The following MAST4 variants were observed in gnomAD, a reference collection of about 807,000 sequenced individuals.
MAST4 encodes microtubule-associated serine/threonine-protein kinase 4.
In MAST4, 89 loss-of-function variants were observed where a neutral mutation model predicts 162.7. The ratio of observed to expected loss-of-function variants is 0.55; its 90% CI spans 0.46 to 0.65. The LOEUF is 0.65. Among genes scored for constraint, MAST4 ranks in the 30% least tolerant of loss-of-function variants. The probability of loss-of-function intolerance (pLI) is 0.00; values close to 1 mark genes in which losing one functional copy is unlikely to be tolerated. For missense variants in MAST4, 3,153 were observed against 3,374.0 expected, an observed-to-expected ratio of 0.93 and a Z score of 1.62; for synonymous variants, 1,479 against 1,361.1, an observed-to-expected ratio of 1.09 and a Z score of -1.91.
intron 4 of MAST4, among the ~76,000 whole-genome samples, chr5:67,010,897 G>A (rs888506691): frequency 2.0e-5 from 3 of 152,128 alleles, no homozygotes; most frequent in Non-Finnish European, 4.4e-5. Flanking sequence ...GAACAGGGGT[G>A]GTGGCCACTC....
intron 1 of MAST4, among the ~76,000 whole-genome samples, chr5:66,691,425 A>G (rs1475060271): frequency 6.6e-6 from 1 of 152,204 alleles, no homozygotes; most frequent in Admixed American, 6.5e-5. Context: ...TGAGTAAAAA[A>G]CTTTTCAGAG....
intron 23 of MAST4, among the ~76,000 whole-genome samples, chr5:67,149,046 G>C (rs192689734): frequency 1.4e-3 from 215 of 152,208 alleles, no homozygotes; most frequent in South Asian, 2.1e-3. Flanking sequence ...TGGTATGGGG[G>C]GGGTAGGGGC....
chr5:66,858,704 A>C (rs1057133968), intron 3 of MAST4, among the ~76,000 whole-genome samples: 7 of 152,178 alleles, frequency 4.6e-5, no homozygotes, highest in Admixed American at 2.0e-4. Context: ...TAATTTCACC[A>C]AAACATATCT....
rs527896311 is a variant in MAST4 at position 67,024,329 on chromosome 5, A to G, written c.675-30075A>G. Among the ~76,000 whole-genome samples the G allele has an allele frequency of 1.8e-4, 23 of 130,944 alleles. No homozygotes were observed. In the East Asian group the frequency reaches 4.5e-3, roughly 25 times the overall value. The allele number at this position is 130,944 out of a possible 152,430, so 85.9% of individuals were successfully genotyped here. On this transcript the variant is annotated intron_variant, in intron 4 of 28. Transcript: ENST00000403625. The stretch of plus-strand genomic sequence containing the variant: ...AAGGAAGATATATATATATATCTAT[A>G]TATATATACACACACACACACACAT...
In MAST4 at chr5:67,027,036, A is replaced by T. The variant is rs545510313; in HGVS notation, c.675-27368A>T. On this transcript the variant is annotated intron_variant, in intron 4 of 28. Transcript: ENST00000403625. ...CCTATTTTTAATGATTTTACATAAG[A>T]TTATTATCTTCAAGAACACATGTTT... Among the ~76,000 whole-genome samples, 12 of 152,258 alleles carry T rather than the reference A, an allele frequency of 7.9e-5. No homozygotes were observed. The East Asian group carries it at 1.9e-3, about 24-fold the overall frequency.
chr5:67,056,704 T>C (rs1415764405), intron 5 of MAST4, among the ~76,000 whole-genome samples: 1 of 152,200 alleles, frequency 6.6e-6, no homozygotes, highest in African/African-American at 2.4e-5. Flanking sequence ...GAGTGTTTTG[T>C]TTTTGTTTTT....
At chr5:67,115,576 GA>G (rs1766796417) in intron 12 of MAST4, among the ~76,000 whole-genome samples, 1 of 152,204 alleles carries the variant, frequency 6.6e-6, no homozygotes, top group Non-Finnish European at 1.5e-5. Flanking sequence ...CTGCTTTTCT[GA>G]AAAGTTCCCT....
chr5:67,110,382 C>T (rs533975894), intron 11 of MAST4, among the ~76,000 whole-genome samples, 183 bp downstream of exon 11: 1 of 152,188 alleles, frequency 6.6e-6, no homozygotes, highest in Non-Finnish European at 1.5e-5. Flanking sequence ...TTTAAAGAGA[C>T]TTCTAGGACT....
chr5:66,788,605 C>CCCCAAG, intron 2 of MAST4, 65 bp from the exon 3 acceptor site: 4 of 1,344,524 alleles, frequency 3.0e-6, no homozygotes, highest in Non-Finnish European at 4.2e-6. Context: ...CACCCCCACC[C>CCCCAAG]CCATTGCAAT....
intron 3 of MAST4, among the ~76,000 whole-genome samples, chr5:66,867,950 C>T (rs1485121675): frequency 1.3e-5 from 2 of 152,162 alleles, no homozygotes; most frequent in African/African-American, 4.8e-5. Flanking sequence ...AAAAGAGAAA[C>T]GCATTCTTAG....
intron 9 of MAST4, among the ~76,000 whole-genome samples, chr5:67,103,354 G>A (rs996204747): frequency 2.6e-5 from 4 of 152,160 alleles, no homozygotes; most frequent in Admixed American, 2.6e-4. Context: ...GAAAATCTTT[G>A]GTTTCATAAA....
chr5:66,673,116 T>C (rs1381015535), intron 1 of MAST4, among the ~76,000 whole-genome samples: 1 of 152,230 alleles, frequency 6.6e-6, no homozygotes, highest in African/African-American at 2.4e-5. Context: ...GCCTTTCATA[T>C]CCTTTGGCCA....
Position 67,167,262 on chromosome 5 carries a change from TACAAA to T in MAST4, c.*213_*217del, listed in dbSNP as rs1774163979. 1 of 109,576 alleles carries T rather than the reference TACAAA, an allele frequency of 9.1e-6. No homozygotes were observed. Among genetic ancestry groups the T allele is most frequent in the East Asian group, 9.9e-5 (1 of 10,078 alleles). The allele number at this position is 109,576 out of a possible 1,614,324, so 6.8% of individuals were successfully genotyped here. A position where few individuals can be genotyped will look rare whatever the true frequency, so the allele number is the denominator to read the frequency against. On this transcript the variant is annotated 3_prime_UTR_variant, in exon 29 of 29. Coordinates refer to ENST00000403625, the MANE Select transcript of MAST4 (RefSeq NM_001164664.2). ...TAAAACTGTTACCAGATAGTGTTTG[TACAAA>T]AAAAAAAAAAAAAAAAAAAAAAAAA...
chr5:66,634,515 A>G lies in MAST4; in HGVS notation c.363+37497A>G, dbSNP rs977195320. Among the ~76,000 whole-genome samples, 6 of 152,296 alleles carry G rather than the reference A, an allele frequency of 3.9e-5. No individual in the cohort carries two copies. In the South Asian group the frequency reaches 1.2e-3, roughly 32 times the overall value. On this transcript the variant is annotated intron_variant, in intron 1 of 28. Transcript: ENST00000403625. The stretch of plus-strand genomic sequence containing the variant: ...TGTTTTGATTCTTTAAAAAAATTAA[A>G]TTCAGTCTTGTGCTCATCTTTTTTA...
chr5:66,893,468 T>A (rs1314900151), intron 3 of MAST4, among the ~76,000 whole-genome samples: 1 of 152,092 alleles, frequency 6.6e-6, no homozygotes, highest in Non-Finnish European at 1.5e-5. Context: ...CCTCAAGTGA[T>A]CCACACGTCT....
chr5:66,963,715 C>G, intron 4 of MAST4: 1 of 779,794 alleles, frequency 1.3e-6, no homozygotes, highest in East Asian at 2.4e-5. Context: ...AGTCTCACTC[C>G]CAGGAGCCTG....
intron 10 of MAST4, among the ~76,000 whole-genome samples, chr5:67,108,419 G>A (rs778645821): frequency 3.9e-5 from 6 of 152,090 alleles, no homozygotes; most frequent in African/African-American, 7.2e-5. Context: ...AGATGTAACC[G>A]TATTTTTTGG....
intron 1 of MAST4, among the ~76,000 whole-genome samples, chr5:66,740,218 AAG>A (rs953210243): frequency 6.6e-5 from 10 of 152,188 alleles, no homozygotes; most frequent in Non-Finnish European, 1.3e-4. Context: ...AAACTCTTAA[AAG>A]AGACAGCAGA....
chr5:66,744,103 C>T (rs1239070183), intron 1 of MAST4, among the ~76,000 whole-genome samples: 7 of 151,984 alleles, frequency 4.6e-5, no homozygotes, highest in Admixed American at 2.0e-4. Context: ...TTATTTTTTT[C>T]CCTTTAAGAA....
Sources: allele counts gnomAD v4.1 joint callset (sites outside exome capture counted in the v4.1 genomes callset), GRCh38; gene constraint gnomAD v4.1.1; transcripts MANE v1.5; gene names NCBI Gene and HGNC (gene_info 2026-07-23, HGNC 2026-07-21).